Variants in PALM2AKAP2 observed in about 807,000 individuals in gnomAD.
PALM2AKAP2 encodes the protein PALM2 and AKAP2 fusion.
PALM2AKAP2 carries 37 observed loss-of-function variants against 71.5 expected under a neutral mutation model. That is an observed-to-expected ratio of 0.52 (90% CI 0.40 to 0.68). The LOEUF is 0.68. PALM2AKAP2 is among the 30% of genes least tolerant of loss of function. The probability of loss-of-function intolerance (pLI) is 0.00; values close to 1 mark genes in which losing one functional copy is unlikely to be tolerated. For missense variants in PALM2AKAP2, 1,224 were observed against 1,191.8 expected (o/e 1.03, Z -0.40); for synonymous variants, 468 against 478.8 (o/e 0.98, Z 0.29).
At chr9:109,902,350 C>T (rs1830348887) in intron 3 of PALM2AKAP2, among the ~76,000 whole-genome samples, 1 of 152,220 alleles carries the variant, frequency 6.6e-6, no homozygotes, top group Non-Finnish European at 1.5e-5. Flanking sequence ...AGAGCTTGTC[C>T]TCTGTGGCTC....
chr9:110,122,789 A>T (rs1835517066), intron 1 of PALM2AKAP2, among the ~76,000 whole-genome samples: 1 of 152,230 alleles, frequency 6.6e-6, no homozygotes, highest in Middle Eastern at 3.2e-3. Context: ...AAATCAGGTT[A>T]CGGCAAAACA....
chr9:110,133,741 T>C (rs1328340138), intron 1 of PALM2AKAP2, among the ~76,000 whole-genome samples: 1 of 152,078 alleles, frequency 6.6e-6, no homozygotes, highest in Non-Finnish European at 1.5e-5. Flanking sequence ...CAGTGAGTCA[T>C]TGGCCAAAAG....
At chr9:110,016,025 G>C (rs778074412) in exon 7 of PALM2AKAP2, 2 of 1,613,668 alleles carry the variant, frequency 1.2e-6, no homozygotes, top group African/African-American at 2.7e-5. Flanking sequence ...ATCCGGCCCA[G>C]ACATGACTAT....
intron 1 of PALM2AKAP2, among the ~76,000 whole-genome samples, chr9:110,091,652 T>C (rs540544157): frequency 1.7e-3 from 263 of 151,992 alleles, no homozygotes; most frequent in Middle Eastern, 0.017. Flanking sequence ...TTAGTAGAGA[T>C]GGGGTTTCAC....
intron 1 of PALM2AKAP2, among the ~76,000 whole-genome samples, chr9:109,697,324 C>CATAGAATATCTCTTTGT (rs1171352073): frequency 2.6e-5 from 4 of 152,082 alleles, no homozygotes; most frequent in African/African-American, 9.7e-5. Flanking sequence ...GTTGAATATT[C>CATAGAATATCTCTTTGT]ATAGAATATC....
intron 1 of PALM2AKAP2, among the ~76,000 whole-genome samples, chr9:109,685,759 G>C (rs1232324095): frequency 6.6e-6 from 1 of 152,050 alleles, no homozygotes; most frequent in Non-Finnish European, 1.5e-5. Context: ...TGGGGTGGCT[G>C]TAGCAATTTC....
At chr9:110,148,915 T>C (rs1406709916) in intron 2 of PALM2AKAP2, among the ~76,000 whole-genome samples, 2 of 152,214 alleles carry the variant, frequency 1.3e-5, no homozygotes, top group Non-Finnish European at 2.9e-5. Context: ...AAGTTAGACC[T>C]GAAATCCAGA....
chr9:109,967,835 G>A (rs141224093), intron 6 of PALM2AKAP2, among the ~76,000 whole-genome samples: 3 of 152,342 alleles, frequency 2.0e-5, no homozygotes, highest in Non-Finnish European at 4.4e-5. Context: ...ACCAGGGAAA[G>A]TTGACTTTGT....
At position 109,993,537 on chromosome 9, in the gene PALM2AKAP2, A is replaced by G. The variant is rs116970570; in HGVS notation, c.497-22417A>G. On this transcript the variant is annotated intron_variant, in intron 6 of 9. Transcript: ENST00000302798. ...AAAACTTAGGAATGGAGGCACCTCT[A>G]TGTGAGTTGCATAAACTAGGAATAG... 7.7e-3 allele frequency among the ~76,000 whole-genome samples: 1,166 copies of G among 152,318 alleles called. 7 individuals carry two copies. The highest frequency in any genetic ancestry group is 0.012 in the Non-Finnish European group (799 of 68,032).
chr9:109,780,236 G>C, upstream of PALM2AKAP2: 1 of 1,081,280 alleles, frequency 9.2e-7, no homozygotes, highest in Non-Finnish European at 1.1e-6. Context: ...CGGCGGCGGC[G>C]ACCGGGAGAT....
chr9:109,936,726 G>A (rs2132019629), intron 6 of PALM2AKAP2, among the ~76,000 whole-genome samples: 1 of 152,300 alleles, frequency 6.6e-6, no homozygotes, highest in South Asian at 2.1e-4. Context: ...ATCAAATCTG[G>A]ATAACTTTCA....
chr9:109,959,254 A>G (rs1458313571), intron 6 of PALM2AKAP2, among the ~76,000 whole-genome samples: 1 of 152,192 alleles, frequency 6.6e-6, no homozygotes, highest in Non-Finnish European at 1.5e-5. Context: ...ACTGGGTCTG[A>G]AAGCAGTAAG....
chr9:109,931,518 G>A (rs879850779), intron 5 of PALM2AKAP2, among the ~76,000 whole-genome samples: 3 of 152,168 alleles, frequency 2.0e-5, no homozygotes, highest in Admixed American at 2.0e-4. Context: ...TTTATTTCCG[G>A]TTCAGAGAAT....
intron 6 of PALM2AKAP2, among the ~76,000 whole-genome samples, chr9:109,956,470 GAAT>G (rs1220938376): frequency 6.6e-6 from 1 of 152,194 alleles, no homozygotes; most frequent in Non-Finnish European, 1.5e-5. Flanking sequence ...CAGTTAGTGT[GAAT>G]TATTCAGACT....
chr9:110,121,326 T>G (rs1272005944), intron 1 of PALM2AKAP2, among the ~76,000 whole-genome samples: 2 of 152,112 alleles, frequency 1.3e-5, no homozygotes, highest in African/African-American at 2.4e-5. Context: ...GTGACGGGGC[T>G]TGGAGGAGGA....
At chr9:110,024,910 C>T (rs1485546313) in intron 7 of PALM2AKAP2, 18 of 1,291,024 alleles carry the variant, frequency 1.4e-5, no homozygotes, top group Non-Finnish European at 1.9e-5. Context: ...GGAATAGGTT[C>T]CAGCAGTTCA....
chr9:109,888,582 C>T lies in PALM2AKAP2; in HGVS notation c.257+7901C>T, dbSNP rs532856987. Among the ~76,000 whole-genome samples the T allele has an allele frequency of 5.3e-5, 8 of 151,950 alleles. No homozygotes were observed. In the East Asian group the frequency reaches 1.4e-3, roughly 26 times the overall value. On this transcript the variant is annotated intron_variant, in intron 3 of 9. Transcript: ENST00000302798. Reference sequence around the variant, plus strand: ...AAAATTAGCCAGGCGTGGTTGCAGGCGCTTGTAATCCCAGCTACTCAGGAG... The same window carrying T: ...AAAATTAGCCAGGCGTGGTTGCAGGTGCTTGTAATCCCAGCTACTCAGGAG...
In PALM2AKAP2 at chr9:110,083,463, G is replaced by A. The variant is rs141845024; in HGVS notation, c.156+34608G>A. Among the ~76,000 whole-genome samples the A allele has an allele frequency of 7.9e-5, 12 of 152,294 alleles. No homozygotes were observed. In the East Asian group the frequency reaches 2.1e-3, roughly 27 times the overall value. Reference sequence around the variant, plus strand: ...GTTTTAATAATGTTGAAACATTTCTGAGCCTTTGCACTTCTTTAGATGAAT... The same window carrying A: ...GTTTTAATAATGTTGAAACATTTCTAAGCCTTTGCACTTCTTTAGATGAAT... On this transcript the variant is annotated intron_variant, in intron 1 of 3. Transcript: ENST00000374525.
At position 109,659,363 on chromosome 9, in the gene PALM2AKAP2, A is replaced by C. The variant is rs554181076; in HGVS notation, c.5+18497A>C. Among the ~76,000 whole-genome samples, 305 of 152,296 alleles carry C rather than the reference A, an allele frequency of 2.0e-3. 2 individuals are homozygous for C. Among genetic ancestry groups the C allele is most frequent in the Non-Finnish European group, 2.2e-3 (147 of 68,016 alleles). Reference sequence around the variant, plus strand: ...GGCATCCTTCATCAAAATCAATTTTAGAACACTTTTTTAAGCCCAAGAATC... The same window carrying C: ...GGCATCCTTCATCAAAATCAATTTTCGAACACTTTTTTAAGCCCAAGAATC... On this transcript the variant is annotated intron_variant, in intron 1 of 6. Coordinates refer to the PALM2AKAP2 transcript ENST00000374531.
Sources: allele counts gnomAD v4.1 joint callset (sites outside exome capture counted in the v4.1 genomes callset), GRCh38; gene constraint gnomAD v4.1.1; transcripts MANE v1.5; gene names NCBI Gene and HGNC (gene_info 2026-07-23, HGNC 2026-07-21).